The following CHRNA3 variants were observed in gnomAD, a reference collection of about 807,000 sequenced individuals.
CHRNA3 encodes neuronal acetylcholine receptor subunit alpha-3.
In CHRNA3, 34 loss-of-function variants were observed where a neutral mutation model predicts 41.9. That is an observed-to-expected ratio of 0.81 (90% CI 0.62 to 1.08). CHRNA3 has a LOEUF of 1.08. Among genes scored for constraint, CHRNA3 ranks in the 50% least tolerant of loss-of-function variants. The pLI, the probability that CHRNA3 is intolerant of heterozygous loss-of-function variation, is 0.00. For missense variants in CHRNA3, 542 were observed against 638.3 expected (o/e 0.85, Z 1.63); for synonymous variants, 281 against 265.2 (o/e 1.06, Z -0.58).
Position 78,595,433 on chromosome 15 carries a change from C to T in CHRNA3, c.*1171G>A. On this transcript the variant is annotated 3_prime_UTR_variant, in exon 6 of 6. Coordinates refer to ENST00000326828, the MANE Select transcript of CHRNA3 (RefSeq NM_000743.5). The stretch of plus-strand genomic sequence containing the variant: ...TTTCAGAAGTGTAGTACATGATACT[C>T]TTAACAATTTGTCTAAAGCAATGTT... The T allele has an allele frequency of 2.0e-6, 2 of 984,938 alleles. No individual in the cohort carries two copies. Among genetic ancestry groups the T allele is most frequent in the Non-Finnish European group, 1.2e-6 (1 of 829,540 alleles). 61.0% of individuals were successfully genotyped at this position (984,938 alleles called of 1,614,324 possible). A position where few individuals can be genotyped will look rare whatever the true frequency, so the allele number is the denominator to read the frequency against.
chr15:78,610,671 A>T (rs906197198), intron 4 of CHRNA3, among the ~76,000 whole-genome samples: 9 of 151,460 alleles, frequency 5.9e-5, no homozygotes, highest in African/African-American at 2.2e-4. Flanking sequence ...AAGAACTAGA[A>T]AAGCAAGAGC....
chr15:78,609,838 C>A (rs181958054), intron 4 of CHRNA3, among the ~76,000 whole-genome samples: 29 of 152,312 alleles, frequency 1.9e-4, no homozygotes, highest in Admixed American at 1.6e-3. Flanking sequence ...AAACCCATTT[C>A]ACACGCAGAG....
intron 1 of CHRNA3, 22 bp from the exon 2 acceptor site, chr15:78,618,937 G>A (rs764721507): frequency 6.2e-7 from 1 of 1,611,130 alleles, no homozygotes; most frequent in Non-Finnish European, 8.5e-7. Flanking sequence ...AGCCCTGTCA[G>A]TCCCTGGGGA....
intron 4 of CHRNA3, among the ~76,000 whole-genome samples, chr15:78,613,174 G>C (rs1200449775): frequency 2.0e-5 from 3 of 152,136 alleles, no homozygotes; most frequent in Admixed American, 2.0e-4. Flanking sequence ...ATTCCTCAGG[G>C]ATCTAGAACT....
At chr15:78,615,121 C>A (rs1308119816) in intron 4 of CHRNA3, among the ~76,000 whole-genome samples, 1 of 152,186 alleles carries the variant, frequency 6.6e-6, no homozygotes, top group Non-Finnish European at 1.5e-5. Flanking sequence ...TCAACTACGA[C>A]CTGGATGCAG....
intron 4 of CHRNA3, among the ~76,000 whole-genome samples, chr15:78,614,860 G>A (rs1397220299): frequency 6.6e-6 from 1 of 152,214 alleles, no homozygotes; most frequent in Non-Finnish European, 1.5e-5. Flanking sequence ...TTAAATGTGG[G>A]AAGTATCAGT....
intron 4 of CHRNA3, among the ~76,000 whole-genome samples, chr15:78,605,737 G>A (rs2053273905): frequency 6.6e-6 from 1 of 152,158 alleles, no homozygotes; most frequent in South Asian, 2.1e-4. Flanking sequence ...AGCTGCTTAT[G>A]GTAGAATCCA....
intron 4 of CHRNA3, among the ~76,000 whole-genome samples, chr15:78,615,207 T>G (rs1296145869): frequency 1.3e-5 from 2 of 152,152 alleles, no homozygotes; most frequent in Non-Finnish European, 1.5e-5. Flanking sequence ...CTTCACATAC[T>G]TGGGGGGCTA....
chr15:78,616,593 G>T (rs2053466185), intron 4 of CHRNA3, among the ~76,000 whole-genome samples: 1 of 152,018 alleles, frequency 6.6e-6, no homozygotes, highest in Admixed American at 6.6e-5. Flanking sequence ...CACACACTGG[G>T]GTTGGTCCTT....
chr15:78,596,116 C>G lies in CHRNA3; in HGVS notation c.*488G>C. 1.0e-6 allele frequency: 1 copy of G among 985,338 alleles called. No individual in the cohort carries two copies. Among genetic ancestry groups the G allele is most frequent in the Non-Finnish European group, 1.2e-6 (1 of 829,894 alleles). 61.0% of individuals were successfully genotyped at this position (985,338 alleles called of 1,614,324 possible). A position where few individuals can be genotyped will look rare whatever the true frequency, so the allele number is the denominator to read the frequency against. On this transcript the variant is annotated 3_prime_UTR_variant, in exon 6 of 6. Transcript: ENST00000326828. ...GAAGCTCTCTGAAATGGAGGCATAG[C>G]CCTTTAGACCCAGTAAAGAACGAGA...
chr15:78,600,089 T>C (rs1365914022), intron 5 of CHRNA3: 1 of 151,590 alleles, frequency 6.6e-6, no homozygotes, highest in Admixed American at 6.6e-5. Flanking sequence ...AAAAAATTAA[T>C]TAATTAATTA....
intron 4 of CHRNA3, among the ~76,000 whole-genome samples, chr15:78,612,847 T>C: frequency 6.7e-6 from 1 of 149,416 alleles, no homozygotes; most frequent in Non-Finnish European, 1.5e-5. Flanking sequence ...ATTCAGAATC[T>C]ACAATGAACT....
intron 4 of CHRNA3, among the ~76,000 whole-genome samples, chr15:78,610,445 G>C (rs532416469): frequency 3.9e-5 from 6 of 152,112 alleles, no homozygotes; most frequent in Middle Eastern, 3.4e-3. Flanking sequence ...TCAACTACAT[G>C]GAAACTGAAC....
intron 3 of CHRNA3, chr15:78,618,299 C>A: frequency 3.1e-6 from 1 of 324,520 alleles, no homozygotes; most frequent in Non-Finnish European, 5.7e-6. Context: ...TCTCAGGCAC[C>A]ACCCCAGGGT....
intron 4 of CHRNA3, among the ~76,000 whole-genome samples, chr15:78,603,754 C>CT (rs1340407683): frequency 6.6e-6 from 1 of 152,182 alleles, no homozygotes; most frequent in Non-Finnish European, 1.5e-5. Flanking sequence ...AAGCCACTAA[C>CT]TATCTTTCCT....
intron 4 of CHRNA3, among the ~76,000 whole-genome samples, chr15:78,610,581 T>TA (rs1369590499): frequency 2.6e-5 from 4 of 151,870 alleles, no homozygotes; most frequent in African/African-American, 9.7e-5. Flanking sequence ...AAGCAGTGTG[T>TA]AGAGAGAAAT....
At chr15:78,603,016 C>G (rs1317567076) in intron 4 of CHRNA3, among the ~76,000 whole-genome samples, 2 of 152,122 alleles carry the variant, frequency 1.3e-5, no homozygotes, top group South Asian at 4.1e-4. Flanking sequence ...TATTTTCACA[C>G]AGAAATAGAC....
intron 3 of CHRNA3, 30 bp from the exon 4 acceptor site, chr15:78,617,163 A>C (rs1385518678): frequency 6.9e-7 from 1 of 1,457,642 alleles, no homozygotes; most frequent in Non-Finnish European, 9.6e-7. Context: ...AGGGAGAAGG[A>C]GACGGTAAAA....
At chr15:78,605,736 T>C (rs966185286) in intron 4 of CHRNA3, among the ~76,000 whole-genome samples, 3 of 152,144 alleles carry the variant, frequency 2.0e-5, no homozygotes, top group Admixed American at 6.5e-5. Context: ...AAGCTGCTTA[T>C]GGTAGAATCC....
Sources: gnomAD v4.1 joint callset for allele counts (sites outside exome capture counted in the v4.1 genomes callset) on GRCh38, gnomAD v4.1.1 for gene constraint, MANE v1.5 for transcripts, NCBI Gene and HGNC (gene_info 2026-07-23, HGNC 2026-07-21) for gene names.